NEK5: variants seen among roughly 807,000 people sequenced by gnomAD.
The protein encoded by NEK5 is serine/threonine-protein kinase Nek5.
In NEK5, 88 loss-of-function variants were observed where a neutral mutation model predicts 109.2. The observed-to-expected ratio is 0.81, with a 90% CI of 0.68 to 0.96. The LOEUF is 0.96. NEK5 is among the 40% of genes least tolerant of loss of function. NEK5 has a pLI of 0.00. For missense variants in NEK5, 834 were observed against 920.7 expected, an observed-to-expected ratio of 0.91 and a Z score of 1.22; for synonymous variants, 283 against 299.9, an observed-to-expected ratio of 0.94 and a Z score of 0.58.
At chr13:52,104,701 CTTA>C (rs1228388953) in intron 8 of NEK5, 149 bp from the exon 9 acceptor site, 5 of 644,756 alleles carry the variant, frequency 7.8e-6, no homozygotes, top group Non-Finnish European at 1.4e-5. Flanking sequence ...ATCATCAATT[CTTA>C]TTAGAAGATA....
chr13:52,047,193 G>A (rs1379926105), intron 23 of NEK5, among the ~76,000 whole-genome samples: 2 of 151,720 alleles, frequency 1.3e-5, no homozygotes, highest in Non-Finnish European at 2.9e-5. Context: ...CAATTTACAA[G>A]TGTACATGCT....
chr13:52,071,425 A>G (rs1954781846), intron 20 of NEK5, among the ~76,000 whole-genome samples: 1 of 152,248 alleles, frequency 6.6e-6, no homozygotes, highest in African/African-American at 2.4e-5. Context: ...CTCTTAGCAG[A>G]CAGCCTCTTC....
rs144383981 is a variant in NEK5 at position 52,038,304 on chromosome 13, A to G, written c.2229-1086T>C. 2.5e-3 allele frequency among the ~76,000 whole-genome samples: 378 copies of G among 152,322 alleles called. 2 individuals are homozygous for G. Among genetic ancestry groups the G allele is most frequent in the African/African-American group, 6.5e-3 (269 of 41,572 alleles). On this transcript the variant is annotated intron_variant, in intron 23 of 23. Coordinates refer to ENST00000684899, the MANE Select transcript of NEK5 (RefSeq NM_001365552.1). ...ACCACTGCACTCCAGCCTGGGAGAC[A>G]GAGCGAGACTCCATCTCAAAACAAA...
At chr13:52,112,776 C>T (rs1012299882) in intron 4 of NEK5, among the ~76,000 whole-genome samples, 16 of 152,258 alleles carry the variant, frequency 1.1e-4, no homozygotes, top group African/African-American at 3.6e-4. Flanking sequence ...GGCATAAAGC[C>T]ATATTTATAT....
intron 3 of NEK5, among the ~76,000 whole-genome samples, chr13:52,121,513 A>G (rs1447335097): frequency 2.0e-5 from 3 of 152,220 alleles, no homozygotes; most frequent in Non-Finnish European, 4.4e-5. Flanking sequence ...AGGGTACAGA[A>G]GAGTTCTCAT....
chr13:52,106,631 G>A (rs1296541986), intron 8 of NEK5, among the ~76,000 whole-genome samples: 2 of 151,980 alleles, frequency 1.3e-5, no homozygotes, highest in Non-Finnish European at 2.9e-5. Flanking sequence ...GCTGGGCATG[G>A]TGGGGCGTGC....
chr13:52,065,466 C>T lies in NEK5; in HGVS notation c.1975+18G>A, dbSNP rs145552435. ...TTGGTCTTCCCTTCCTGACGACTGA[C>T]GCTAAGCACAGACTCACTGTCAGGC... On this transcript the variant is annotated intron_variant, in intron 21 of 23. Transcript: ENST00000684899. The T allele has an allele frequency of 1.6e-3, 2,641 of 1,614,160 alleles. 15 individuals are homozygous for T. The highest frequency in any genetic ancestry group is 8.1e-3 in the Middle Eastern group (49 of 6,062).
rs1479391078 is a variant in NEK5 at position 52,110,423 on chromosome 13, A to G, written c.397-13T>C. 1 of 1,611,784 alleles carries G rather than the reference A, an allele frequency of 6.2e-7. No individual in the cohort carries two copies. The highest frequency in any genetic ancestry group is 1.7e-5 in the Admixed American group (1 of 59,994). ...TAAGAAAAATGTTCTATAAATGGAG[A>G]AAATGTCATGTTGTTTGAGGTACTT... On this transcript the variant is annotated splice_polypyrimidine_tract_variant and intron_variant, in intron 6 of 23. Coordinates refer to ENST00000684899, the MANE Select transcript of NEK5 (RefSeq NM_001365552.1).
At chr13:52,056,975 C>T (rs993614245) in intron 22 of NEK5, among the ~76,000 whole-genome samples, 4 of 151,844 alleles carry the variant, frequency 2.6e-5, no homozygotes, top group East Asian at 1.9e-4. Context: ...AATAGAGACA[C>T]AAAAAACCCT....
chr13:52,092,033 T>C (rs1955294877), intron 13 of NEK5, among the ~76,000 whole-genome samples: 1 of 152,152 alleles, frequency 6.6e-6, no homozygotes, highest in Admixed American at 6.5e-5. Flanking sequence ...ACCTGCCATA[T>C]AGTGGAATTT....
At chr13:52,067,045 T>C (rs1760529338) in intron 20 of NEK5, among the ~76,000 whole-genome samples, 1 of 152,206 alleles carries the variant, frequency 6.6e-6, no homozygotes, top group Non-Finnish European at 1.5e-5. Context: ...TACTAGGATC[T>C]GTTTCTAACT....
chr13:52,036,480 T>C lies in NEK5; in HGVS notation c.*468A>G, dbSNP rs1765479547. On this transcript the variant is annotated 3_prime_UTR_variant, in exon 24 of 24. Coordinates refer to ENST00000684899, the MANE Select transcript of NEK5 (RefSeq NM_001365552.1). ...CTGAAAGCTTTTTTTTTTTTTTCTT[T>C]TTTTGAGACAGAGTTTCGCTCTTGT... 1 of 152,692 alleles carries C rather than the reference T, an allele frequency of 6.5e-6. No individual in the cohort carries two copies. The highest frequency in any genetic ancestry group is 1.5e-5 in the Non-Finnish European group (1 of 68,458). The allele number at this position is 152,692 out of a possible 1,614,324, so 9.5% of individuals were successfully genotyped here. A position where few individuals can be genotyped will look rare whatever the true frequency, so the allele number is the denominator to read the frequency against.
intron 20 of NEK5, among the ~76,000 whole-genome samples, chr13:52,066,140 A>G (rs1954687643): frequency 2.0e-5 from 3 of 152,076 alleles, no homozygotes; most frequent in Admixed American, 2.0e-4. Context: ...GTCCTCTCAG[A>G]GCTTGCTTTT....
chr13:52,074,513 T>G (rs1469973147), intron 19 of NEK5, among the ~76,000 whole-genome samples: 2 of 152,028 alleles, frequency 1.3e-5, no homozygotes, highest in Non-Finnish European at 2.9e-5. Flanking sequence ...AAGTAAGACC[T>G]TAAACTATAA....
chr13:52,091,014 AGACTCT>A (rs1435097505), intron 13 of NEK5, among the ~76,000 whole-genome samples: 3 of 151,670 alleles, frequency 2.0e-5, no homozygotes, highest in Non-Finnish European at 2.9e-5. Context: ...CGACAGAGCG[AGACTCT>A]GTCTCAAAAA....
chr13:52,083,187 G>A, intron 17 of NEK5, 73 bp downstream of exon 17: 1 of 1,011,248 alleles, frequency 9.9e-7, no homozygotes, highest in Non-Finnish European at 1.6e-6. Flanking sequence ...CTGCTGCACA[G>A]AGAAGGGTAA....
At chr13:52,088,019 C>A (rs9535860) in intron 14 of NEK5, among the ~76,000 whole-genome samples, 62,596 of 151,050 alleles carry the variant, frequency 0.41, 14,847 homozygotes, top group Non-Finnish European at 0.53. Context: ...CCTTTGCCTC[C>A]CAAGCTTAAG....
intron 12 of NEK5, among the ~76,000 whole-genome samples, chr13:52,094,940 C>T (rs1955371877): frequency 6.6e-6 from 1 of 152,084 alleles, no homozygotes; most frequent in Admixed American, 6.5e-5. Flanking sequence ...AATTCTGAGA[C>T]AGGATCTCAC....
chr13:52,108,359 C>CA lies in NEK5; in HGVS notation c.512dup (p.Ser172ValfsTer8), dbSNP rs759631655. ...GTTTATTCTGACAGATCTCTGGGGA[C>CA]AGGTAGTAAGGTGTTCCAATACAAG... On this transcript the variant is annotated frameshift_variant, in exon 8 of 24. Transcript: ENST00000684899. LOFTEE classifies it high-confidence loss of function. 4 of 1,611,390 alleles carry CA rather than the reference C, an allele frequency of 2.5e-6. No individual in the cohort carries two copies. The highest frequency in any genetic ancestry group is 3.4e-6 in the Non-Finnish European group (4 of 1,178,314).
Sources: gnomAD v4.1 joint callset for allele counts (sites outside exome capture counted in the v4.1 genomes callset) on GRCh38, gnomAD v4.1.1 for gene constraint, MANE v1.5 for transcripts, NCBI Gene and HGNC (gene_info 2026-07-23, HGNC 2026-07-21) for gene names.